The following ST8SIA6 variants were observed in gnomAD, a reference collection of about 807,000 sequenced individuals.
ST8SIA6 encodes ST8 alpha-N-acetyl-neuraminide alpha-2,8-sialyltransferase 6, also known as alpha-2,8-sialyltransferase 8F.
A neutral mutation model predicts 33.6 loss-of-function variants in ST8SIA6; 39 were observed. The observed-to-expected ratio is 1.16, with a 90% confidence interval of 0.90 to 1.52. The LOEUF (loss-of-function observed/expected upper bound fraction) is 1.52, where lower values mean the gene tolerates loss of function less well. Among genes scored for constraint, ST8SIA6 ranks in the 40% most tolerant of loss-of-function variants. The pLI, the probability that ST8SIA6 is intolerant of heterozygous loss-of-function variation, is 0.00. For synonymous variants in ST8SIA6, 172 were observed against 167.2 expected (o/e 1.03, Z -0.22); for missense variants, 441 against 443.8 (o/e 0.99, Z 0.06).
intron 2 of ST8SIA6, among the ~76,000 whole-genome samples, chr10:17,398,559 A>T (rs140630108): frequency 6.6e-6 from 1 of 152,332 alleles, no homozygotes; most frequent in East Asian, 1.9e-4. Flanking sequence ...AATGGGCAAC[A>T]AAGGAGTTTC....
chr10:17,334,742 A>G (rs1042462660), intron 4 of ST8SIA6, among the ~76,000 whole-genome samples: 2 of 152,090 alleles, frequency 1.3e-5, no homozygotes, highest in African/African-American at 4.8e-5. Flanking sequence ...ATAAATTAAT[A>G]CCAAGCTACG....
At chr10:17,427,175 A>G (rs755179800) in intron 2 of ST8SIA6, among the ~76,000 whole-genome samples, 5 of 152,166 alleles carry the variant, frequency 3.3e-5, no homozygotes, top group African/African-American at 7.2e-5. Context: ...AAAATGTTCA[A>G]TGCCACGGTC....
intron 3 of ST8SIA6, among the ~76,000 whole-genome samples, chr10:17,376,554 G>T (rs886927518): frequency 1.3e-5 from 2 of 152,130 alleles, no homozygotes; most frequent in Admixed American, 6.5e-5. Flanking sequence ...TTGATTTCCT[G>T]GGTCAGCACC....
At chr10:17,338,156 T>TC (rs1210565834) in intron 4 of ST8SIA6, among the ~76,000 whole-genome samples, 1 of 149,734 alleles carries the variant, frequency 6.7e-6, no homozygotes, top group East Asian at 2.0e-4. Context: ...TGCCTCAGCC[T>TC]CCCAAGTAGC....
chr10:17,430,578 T>C (rs941682140), intron 2 of ST8SIA6, among the ~76,000 whole-genome samples: 1 of 152,222 alleles, frequency 6.6e-6, no homozygotes. Flanking sequence ...ATGTCCATTT[T>C]TTTTGCCAGA....
intron 2 of ST8SIA6, among the ~76,000 whole-genome samples, chr10:17,391,138 G>A (rs890137582): frequency 7.2e-5 from 11 of 152,158 alleles, no homozygotes; most frequent in African/African-American, 1.4e-4. Flanking sequence ...GATTACAGGC[G>A]TGAGCCATCG....
intron 2 of ST8SIA6, among the ~76,000 whole-genome samples, chr10:17,452,331 T>C (rs929404709): frequency 6.6e-6 from 1 of 152,064 alleles, no homozygotes; most frequent in Non-Finnish European, 1.5e-5. Context: ...TTCCTGGAGT[T>C]ACACCATCAG....
rs868501767 is a variant in ST8SIA6 at position 17,333,721 on chromosome 10, T to A, written c.378-2169A>T. Reference sequence around the variant, plus strand: ...TATATATATATATATATATATATTTTTTTTTTTTTTTTTTTTTTTTGCTAC... The same window carrying A: ...TATATATATATATATATATATATTTATTTTTTTTTTTTTTTTTTTTGCTAC... On this transcript the variant is annotated intron_variant, in intron 4 of 7. Coordinates refer to ENST00000377602, the MANE Select transcript of ST8SIA6 (RefSeq NM_001004470.3). Among the ~76,000 whole-genome samples, 272 of 70,000 alleles carry A rather than the reference T, an allele frequency of 3.9e-3. 1 individual carries two copies. The highest frequency in any genetic ancestry group is 4.8e-3 in the Non-Finnish European group (169 of 35,516). 45.9% of individuals were successfully genotyped at this position (70,000 alleles called of 152,430 possible).
intron 4 of ST8SIA6, 109 bp from the exon 5 acceptor site, chr10:17,331,661 A>C: frequency 1.8e-6 from 2 of 1,131,614 alleles, no homozygotes; most frequent in Middle Eastern, 2.1e-4. Context: ...GACTTTCAAA[A>C]AGAAGATAAT....
chr10:17,453,045 A>G (rs559179069), intron 2 of ST8SIA6, among the ~76,000 whole-genome samples: 4 of 152,038 alleles, frequency 2.6e-5, no homozygotes, highest in Non-Finnish European at 4.4e-5. Context: ...CTGAAAAAAA[A>G]ACAATTACTG....
intron 2 of ST8SIA6, among the ~76,000 whole-genome samples, chr10:17,453,011 A>G (rs923327245): frequency 1.3e-5 from 2 of 151,164 alleles, no homozygotes; most frequent in African/African-American, 4.9e-5. Flanking sequence ...AACTTTCTGC[A>G]CAAAGCTGTA....
chr10:17,401,042 G>A (rs1199777931), intron 2 of ST8SIA6, among the ~76,000 whole-genome samples: 1 of 152,134 alleles, frequency 6.6e-6, no homozygotes, highest in Non-Finnish European at 1.5e-5. Flanking sequence ...CATCGTCTCA[G>A]CCCAAAATCT....
At chr10:17,374,317 T>C (rs950909143) in intron 3 of ST8SIA6, among the ~76,000 whole-genome samples, 3 of 152,190 alleles carry the variant, frequency 2.0e-5, no homozygotes, top group African/African-American at 7.2e-5. Context: ...GTTTTTCATG[T>C]ACTCTTTGAA....
At chr10:17,324,468 C>G (rs979397746) in intron 6 of ST8SIA6, among the ~76,000 whole-genome samples, 1 of 151,854 alleles carries the variant, frequency 6.6e-6, no homozygotes, top group South Asian at 2.1e-4. Context: ...AGTGGGCCTC[C>G]CACAACATAT....
chr10:17,327,313 G>A (rs117839568), intron 5 of ST8SIA6, among the ~76,000 whole-genome samples, 187 bp from the exon 6 acceptor site: 2,860 of 152,266 alleles, frequency 0.019, 30 homozygotes, highest in African/African-American at 0.023. Context: ...GGGGCTGGGC[G>A]CAGTGGCTCA....
chr10:17,438,385 A>G (rs1027511191), intron 2 of ST8SIA6, among the ~76,000 whole-genome samples: 3 of 152,214 alleles, frequency 2.0e-5, no homozygotes, highest in Non-Finnish European at 1.5e-5. Context: ...AGGCATGCCA[A>G]TATAGCTCCT....
chr10:17,333,678 T>TATAGATATATAG, intron 4 of ST8SIA6, among the ~76,000 whole-genome samples: 1 of 18,880 alleles, frequency 5.3e-5, no homozygotes, highest in African/African-American at 2.4e-4. Flanking sequence ...CTGGGATATA[T>TATAGATATATAG]ATATATATAT....
chr10:17,452,849 A>G (rs1023976182), intron 2 of ST8SIA6, among the ~76,000 whole-genome samples: 10 of 152,176 alleles, frequency 6.6e-5, no homozygotes, highest in African/African-American at 2.4e-4. Context: ...CAGAACATAA[A>G]CTGCAATGTA....
chr10:17,412,398 C>T (rs1483806678), intron 2 of ST8SIA6, among the ~76,000 whole-genome samples: 1 of 152,162 alleles, frequency 6.6e-6, no homozygotes, highest in Non-Finnish European at 1.5e-5. Context: ...GATTCTGACT[C>T]TGAAGCAGGT....
Sources: allele counts gnomAD v4.1 joint callset (sites outside exome capture counted in the v4.1 genomes callset), GRCh38; gene constraint gnomAD v4.1.1; transcripts MANE v1.5; gene names NCBI Gene and HGNC (gene_info 2026-07-23, HGNC 2026-07-21).